Variants in CENPP observed in about 807,000 individuals in gnomAD.
The protein encoded by CENPP is centromere protein P.
CENPP carries 24 observed loss-of-function variants against 35.6 expected under a neutral mutation model. The observed-to-expected ratio is 0.67, with a 90% CI of 0.49 to 0.95. The LOEUF is 0.95. Among genes scored for constraint, CENPP ranks in the 40% least tolerant of loss-of-function variants. CENPP has a pLI of 0.00. For synonymous variants in CENPP, 120 were observed against 125.5 expected (o/e 0.96, Z 0.29); for missense variants, 332 against 345.3 (o/e 0.96, Z 0.31).
rs1554688297 is a variant in CENPP, at chr9:92,567,391, T to TAG, written c.565-43922_565-43921insGA. ...TAAGATAGATATATATATATATATA[T>TAG]ATATAGATATATATATAAAGTGGTT... is the stretch of plus-strand genomic sequence containing the variant. On this transcript the variant is annotated intron_variant, in intron 5 of 7. Transcript: ENST00000375587. 2.3e-3 allele frequency among the ~76,000 whole-genome samples: 230 copies of TAG among 98,372 alleles called. 1 individual carries two copies. Among genetic ancestry groups the TAG allele is most frequent in the East Asian group, 3.1e-3 (14 of 4,566 alleles). 64.5% of individuals were successfully genotyped at this position (98,372 alleles called of 152,430 possible). A position where few individuals can be genotyped will look rare whatever the true frequency, so the allele number is the denominator to read the frequency against.
intron 4 of CENPP, among the ~76,000 whole-genome samples, chr9:92,352,837 T>A (rs1841499409): frequency 3.3e-5 from 5 of 151,768 alleles, no homozygotes. Context: ...CAAATGTTAA[T>A]CTCCTTTGGC....
intron 5 of CENPP, among the ~76,000 whole-genome samples, chr9:92,472,575 T>C (rs1845565582): frequency 6.6e-6 from 1 of 151,714 alleles, no homozygotes; most frequent in Non-Finnish European, 1.5e-5. Flanking sequence ...GGAAAATCGC[T>C]TGAACCCAGG....
rs558486121 is a variant in CENPP at position 92,544,481 on chromosome 9, A to T, written c.565-66833A>T. The stretch of plus-strand genomic sequence containing the variant: ...ACAGAGCAAGACTCCGTCTCAAAAA[A>T]ATAAATAAATGGTCTTTATTTATGT... On this transcript the variant is annotated intron_variant, in intron 5 of 7. Coordinates refer to ENST00000375587, the MANE Select transcript of CENPP (RefSeq NM_001012267.3). Among the ~76,000 whole-genome samples the T allele has an allele frequency of 1.0e-3, 159 of 152,286 alleles. 2 individuals carry two copies. Among genetic ancestry groups the T allele is most frequent in the Non-Finnish European group, 1.5e-4 (10 of 68,014 alleles).
chr9:92,410,871 T>TA (rs1843426135), intron 5 of CENPP, among the ~76,000 whole-genome samples: 1 of 152,174 alleles, frequency 6.6e-6, no homozygotes, highest in East Asian at 1.9e-4. Context: ...CCATCTTTTT[T>TA]AAAAAACAAA....
At chr9:92,352,023 CTTTTTT>C (rs113545279) in intron 4 of CENPP, among the ~76,000 whole-genome samples, 1 of 132,458 alleles carries the variant, frequency 7.5e-6, no homozygotes, top group African/African-American at 2.8e-5. Context: ...TTTTCTTTTC[CTTTTTT>C]TTTTTTTTTT....
At chr9:92,386,246 G>A (rs755274588) in intron 5 of CENPP, 23 of 1,613,370 alleles carry the variant, frequency 1.4e-5, no homozygotes, top group Middle Eastern at 1.6e-4. Context: ...TAAGAGGCAC[G>A]GATTCCAGGG....
chr9:92,546,453 C>T (rs1049185419), intron 5 of CENPP, among the ~76,000 whole-genome samples: 1 of 152,216 alleles, frequency 6.6e-6, no homozygotes, highest in East Asian at 1.9e-4. Flanking sequence ...AGATCTGCAG[C>T]TTCGCTCCTG....
chr9:92,450,973 T>C (rs558156333), intron 5 of CENPP, among the ~76,000 whole-genome samples: 21 of 152,242 alleles, frequency 1.4e-4, no homozygotes, highest in African/African-American at 4.8e-4. Flanking sequence ...TTTGTTTGAG[T>C]TCATTGTAGA....
At chr9:92,587,359 C>G (rs1249709578) in intron 5 of CENPP, among the ~76,000 whole-genome samples, 1 of 151,864 alleles carries the variant, frequency 6.6e-6, no homozygotes. Context: ...ATCCCAGCTA[C>G]TGGGGAGGCT....
At chr9:92,598,299 A>G (rs1001578907) in intron 5 of CENPP, among the ~76,000 whole-genome samples, 46 of 152,198 alleles carry the variant, frequency 3.0e-4, no homozygotes, top group African/African-American at 9.4e-4. Context: ...GAAGGTGGGC[A>G]TGTGAGGGCG....
intron 5 of CENPP, chr9:92,466,708 C>A (rs1845328592): frequency 1.3e-6 from 1 of 749,216 alleles, no homozygotes; most frequent in East Asian, 2.6e-5. Flanking sequence ...AAAACTTTCC[C>A]AGCCCAATCT....
chr9:92,495,969 CAG>C, intron 5 of CENPP: 1 of 989,722 alleles, frequency 1.0e-6, no homozygotes, highest in Non-Finnish European at 1.2e-6. Flanking sequence ...AAGGGACTTA[CAG>C]AGTTCTCAGC....
rs538513823 is a variant in CENPP at position 92,552,093 on chromosome 9, TGATA to T, written c.565-59217_565-59214del. 1.0e-3 allele frequency among the ~76,000 whole-genome samples: 139 copies of T among 139,090 alleles called. 8 individuals are homozygous for T. The highest frequency in any genetic ancestry group is 1.4e-3 in the Non-Finnish European group (92 of 63,984). The allele number at this position is 139,090 out of a possible 152,430, so 91.2% of individuals were successfully genotyped here. On this transcript the variant is annotated intron_variant, in intron 5 of 7. Coordinates refer to ENST00000375587, the MANE Select transcript of CENPP (RefSeq NM_001012267.3). ...TGATAGATCTATCATATATGTGATATGATAGATCTATCATATATATGTGATATGA... is the reference window on the plus strand; with the variant it reads ...TGATAGATCTATCATATATGTGATATGATCTATCATATATATGTGATATGA...
At chr9:92,607,427 G>A (rs371857496) in intron 5 of CENPP, among the ~76,000 whole-genome samples, 61 of 152,242 alleles carry the variant, frequency 4.0e-4, no homozygotes, top group African/African-American at 1.4e-3. Context: ...GTGTTAAGGG[G>A]ACTAGGGGCA....
At chr9:92,535,149 G>A (rs1026976998) in intron 5 of CENPP, among the ~76,000 whole-genome samples, 1 of 131,838 alleles carries the variant, frequency 7.6e-6, no homozygotes, top group Admixed American at 7.5e-5. Flanking sequence ...AAATAGATAG[G>A]CACAGAAATA....
intron 2 of CENPP, among the ~76,000 whole-genome samples, chr9:92,332,825 G>A (rs1840797552): frequency 1.3e-5 from 2 of 151,390 alleles, no homozygotes; most frequent in South Asian, 4.2e-4. Context: ...AAAAAAAAGG[G>A]CTGCCTGAGA....
At chr9:92,539,596 A>C (rs1849270354) in intron 5 of CENPP, among the ~76,000 whole-genome samples, 1 of 151,998 alleles carries the variant, frequency 6.6e-6, no homozygotes, top group Admixed American at 6.6e-5. Context: ...TTTAACCTAA[A>C]TTTCTGGAAG....
chr9:92,500,058 T>TA (rs1846576734), intron 5 of CENPP, among the ~76,000 whole-genome samples: 1 of 152,234 alleles, frequency 6.6e-6, no homozygotes, highest in South Asian at 2.1e-4. Context: ...AGCATATATT[T>TA]ACGTTTTATG....
intron 5 of CENPP, among the ~76,000 whole-genome samples, chr9:92,575,449 C>G (rs1174900781): frequency 3.9e-5 from 6 of 152,172 alleles, no homozygotes; most frequent in Admixed American, 3.9e-4. Flanking sequence ...TGAAGAGATG[C>G]TCAACATCAC....
Sources: allele counts gnomAD v4.1 joint callset (sites outside exome capture counted in the v4.1 genomes callset), GRCh38; gene constraint gnomAD v4.1.1; transcripts MANE v1.5; gene names NCBI Gene and HGNC (gene_info 2026-07-23, HGNC 2026-07-21).